NDRG2: variants seen among roughly 807,000 people sequenced by gnomAD.
The protein encoded by NDRG2 is NDRG family member 2.
NDRG2 carries 34 observed loss-of-function variants against 58.2 expected under a neutral mutation model. The observed-to-expected ratio is 0.58, with a 90% CI of 0.44 to 0.78. The LOEUF (loss-of-function observed/expected upper bound fraction) is 0.78. Among genes scored for constraint, NDRG2 ranks in the 30% least tolerant of loss-of-function variants. The probability of loss-of-function intolerance (pLI) is 0.00; values close to 1 mark genes in which losing one functional copy is unlikely to be tolerated. For synonymous variants in NDRG2, 187 were observed against 175.9 expected, an observed-to-expected ratio of 1.06 and a Z score of -0.50; for missense variants, 434 against 471.2, an observed-to-expected ratio of 0.92 and a Z score of 0.73.
At chr14:21,018,357 G>C in intron 13 of NDRG2, 100 bp downstream of exon 13, 1 of 1,602,356 alleles carries the variant, frequency 6.2e-7, no homozygotes, top group Non-Finnish European at 8.5e-7. Flanking sequence ...TTTGTTCTTC[G>C]TTCACCCCAT....
At chr14:21,032,685 C>T (rs1426226530) in intron 1 of NDRG2, 4 of 348,562 alleles carry the variant, frequency 1.1e-5, no homozygotes, top group African/African-American at 8.7e-5. Context: ...TCATGGGGCA[C>T]ATGGGACAGA....
chr14:21,056,636 C>T (rs1377099144), intron 1 of NDRG2, among the ~76,000 whole-genome samples: 1 of 152,178 alleles, frequency 6.6e-6, no homozygotes, highest in Admixed American at 6.5e-5. Context: ...GCACACACCA[C>T]CTAAAACCAC....
intron 1 of NDRG2, among the ~76,000 whole-genome samples, chr14:21,049,200 A>G (rs1422227933): frequency 1.3e-5 from 2 of 152,096 alleles, no homozygotes; most frequent in Non-Finnish European, 2.9e-5. Flanking sequence ...TCCCCTCCTG[A>G]GATATTTAAA....
At chr14:21,060,410 A>G (rs1234831072) in intron 1 of NDRG2, among the ~76,000 whole-genome samples, 1 of 152,122 alleles carries the variant, frequency 6.6e-6, no homozygotes, top group African/African-American at 2.4e-5. Context: ...CAGAAGCAGC[A>G]TTCTTCCATC....
chr14:21,068,925 G>C (rs1215754561), intron 1 of NDRG2, among the ~76,000 whole-genome samples: 1 of 152,228 alleles, frequency 6.6e-6, no homozygotes, highest in Admixed American at 6.5e-5. Context: ...TCACCTTGGC[G>C]GCACCCCCGC....
intron 1 of NDRG2, among the ~76,000 whole-genome samples, chr14:21,066,576 C>T (rs989409156): frequency 6.6e-6 from 1 of 152,196 alleles, no homozygotes; most frequent in African/African-American, 2.4e-5. Context: ...CCACGTGATC[C>T]ACCTGCCTCG....
Position 21,022,061 on chromosome 14 carries a change from C to A in NDRG2, c.344+1G>T. ...TGAAGCAGTAACGACCTAACTCTTA[C>A]CCCAAAGGGAACACAGGGGCTCCCT... On this transcript the variant is annotated splice_donor_variant, in intron 5 of 15. Transcript: ENST00000556147. LOFTEE classifies it high-confidence loss of function. 6.2e-7 allele frequency: 1 copy of A among 1,614,142 alleles called. No homozygotes were observed. Among genetic ancestry groups the A allele is most frequent in the Non-Finnish European group, 8.5e-7 (1 of 1,180,026 alleles).
In NDRG2 at chr14:21,065,685, T is replaced by C. The variant is rs886787069; in HGVS notation, c.24+5143A>G. ...AGACTGTAACACTTTAGTTAAGACCTGAAGGATGACAGCCAGTCACTAGAA... is the reference window on the plus strand; with the variant it reads ...AGACTGTAACACTTTAGTTAAGACCCGAAGGATGACAGCCAGTCACTAGAA... On this transcript the variant is annotated intron_variant, in intron 1 of 14. Transcript: ENST00000403829. 5.9e-5 allele frequency among the ~76,000 whole-genome samples: 9 copies of C among 152,272 alleles called. No homozygotes were observed. The South Asian group carries it at 8.3e-4, about 14-fold the overall frequency.
rs372570051 is a variant in NDRG2 at position 21,053,164 on chromosome 14, G to T, written c.24+17664C>A. Among the ~76,000 whole-genome samples, 19 of 152,208 alleles carry T rather than the reference G, an allele frequency of 1.2e-4. No homozygotes were observed. The East Asian group carries it at 2.9e-3, about 23-fold the overall frequency. On this transcript the variant is annotated intron_variant, in intron 1 of 14. Transcript: ENST00000403829. ...GTAGTGAAGATTCATGTCACTGAAG[G>T]TATTCAAGCCCAAAAACCATCTGTT...
chr14:21,026,146 GCACACGCACACACACACA>G (rs746564380), upstream of NDRG2, among the ~76,000 whole-genome samples: 237 of 151,768 alleles, frequency 1.6e-3, no homozygotes, highest in Non-Finnish European at 2.8e-3. Flanking sequence ...ACACACACAC[GCACACGCACACACACACA>G]CACACCCTGG....
rs553904226 is a variant in NDRG2 at position 21,063,940 on chromosome 14, G to C, written c.24+6888C>G. On this transcript the variant is annotated intron_variant, in intron 1 of 14. Coordinates refer to the NDRG2 transcript ENST00000403829. ...ATTCAAAACTCCCTTACATAGAACC[G>C]AATCTGCTTCTTTATAACTGCAACA... is the stretch of plus-strand genomic sequence containing the variant. 7.7e-4 allele frequency among the ~76,000 whole-genome samples: 117 copies of C among 152,226 alleles called. 1 individual carries two copies. The highest frequency in any genetic ancestry group is 2.4e-3 in the African/African-American group (101 of 41,536).
intron 1 of NDRG2, among the ~76,000 whole-genome samples, chr14:21,059,368 A>G (rs778689877): frequency 1.3e-5 from 2 of 152,224 alleles, no homozygotes; most frequent in Non-Finnish European, 2.9e-5. Flanking sequence ...ATGAATTACT[A>G]GAAAATGAAA....
intron 13 of NDRG2, 93 bp downstream of exon 13, chr14:21,018,364 C>T: frequency 1.2e-6 from 2 of 1,603,542 alleles, no homozygotes; most frequent in Non-Finnish European, 1.7e-6. Flanking sequence ...TTCGTTCACC[C>T]CATTTGCTCC....
At chr14:21,026,890 G>C (rs1056913013), upstream of NDRG2, among the ~76,000 whole-genome samples, 1 of 152,174 alleles carries the variant, frequency 6.6e-6, no homozygotes, top group Non-Finnish European at 1.5e-5. Flanking sequence ...CCAAAGGTGC[G>C]CAAGACAGGA....
chr14:21,069,517 G>T (rs1271922840), intron 1 of NDRG2, among the ~76,000 whole-genome samples: 1 of 152,212 alleles, frequency 6.6e-6, no homozygotes, highest in Non-Finnish European at 1.5e-5. Context: ...CTCAGAAAAT[G>T]TCCGGCGAAA....
At chr14:21,064,310 T>A (rs907213383) in intron 1 of NDRG2, among the ~76,000 whole-genome samples, 6 of 151,878 alleles carry the variant, frequency 4.0e-5, no homozygotes, top group Non-Finnish European at 7.4e-5. Context: ...TTTTTTTTTT[T>A]ATTATTTTTG....
chr14:21,070,498 G>T lies in NDRG2; in HGVS notation c.24+330C>A, dbSNP rs371932097. On this transcript the variant is annotated intron_variant, in intron 1 of 14. Transcript: ENST00000403829. The surrounding 1 kb of genome is among the most constrained non-coding windows in gnomAD (Gnocchi z 4.7). The stretch of plus-strand genomic sequence containing the variant: ...CCTGGTGCCTCCCGAGCCTGCCTCG[G>T]ACTGTTCGGCCCCTCTGGGACTCTC... 7.4e-7 allele frequency: 1 copy of T among 1,345,122 alleles called. No individual in the cohort carries two copies. Among genetic ancestry groups the T allele is most frequent in the Non-Finnish European group, 9.6e-7 (1 of 1,039,558 alleles). 83.3% of individuals were successfully genotyped at this position (1,345,122 alleles called of 1,614,324 possible).
chr14:21,030,883 T>A (rs769679781), intron 1 of NDRG2: 9 of 1,505,186 alleles, frequency 6.0e-6, no homozygotes, highest in Non-Finnish European at 8.1e-6. Flanking sequence ...CGCTGTGCTA[T>A]CCTTTGTCTT....
At chr14:21,058,374 T>C (rs1368400320) in intron 1 of NDRG2, 2 of 1,543,160 alleles carry the variant, frequency 1.3e-6, no homozygotes, top group Admixed American at 1.7e-5. Flanking sequence ...GTGCCCACGT[T>C]CCACCTCACA....
Sources: gnomAD v4.1 joint callset for allele counts (sites outside exome capture counted in the v4.1 genomes callset) on GRCh38, gnomAD v4.1.1 for gene constraint, Gnocchi (gnomAD v3.1) non-coding constraint, MANE v1.5 for transcripts, NCBI Gene and HGNC (gene_info 2026-07-23, HGNC 2026-07-21) for gene names.